NUP188: variants seen among roughly 807,000 people sequenced by gnomAD.
NUP188 encodes the protein nucleoporin NUP188.
In NUP188, 97 loss-of-function variants were observed where a neutral mutation model predicts 223.0. That is an observed-to-expected ratio of 0.43 (90% CI 0.37 to 0.51). NUP188 has a LOEUF of 0.51. NUP188 is among the 20% of genes least tolerant of loss of function. The pLI is 0.00. For missense variants in NUP188, 1,947 were observed against 2,175.6 expected, an observed-to-expected ratio of 0.89 and a Z score of 2.09; for synonymous variants, 869 against 828.0, an observed-to-expected ratio of 1.05 and a Z score of -0.85.
intron 3 of NUP188, among the ~76,000 whole-genome samples, chr9:128,954,673 C>T (rs1373269652): frequency 2.6e-5 from 4 of 151,876 alleles, no homozygotes; most frequent in Admixed American, 1.3e-4. Context: ...CGTGAGCCAC[C>T]GCGGCCGGTG....
chr9:129,005,495 T>C lies in NUP188; in HGVS notation c.4702T>C (p.Phe1568Leu). 6.2e-7 allele frequency: 1 copy of C among 1,606,232 alleles called. No homozygotes were observed. Among genetic ancestry groups the C allele is most frequent in the South Asian group, 1.1e-5 (1 of 91,082 alleles). ...LSKTLAALRH[F>L]TPDVCQILLD... ...CAAGACGCTGGCAGCCCTGCGCCAC[T>C]TCACCCCAGATGTCTGCCAGATTCT... The change falls in exon 40 of 44, where the codon TTC (phenylalanine) becomes CTC (leucine). Residue 1568 changes from phenylalanine to leucine, a missense_variant. Physicochemically the swap from Phe to Leu is conservative, Grantham distance 22 (BLOSUM62 0). Around this residue, in one of 3 missense-constraint regions of NUP188, gnomAD observed 905 missense variants for 990.6 expected, o/e 0.91. Transcript: ENST00000372577.
intron 20 of NUP188, chr9:128,985,276 G>A (rs1277264596): frequency 3.0e-6 from 1 of 332,458 alleles, no homozygotes; most frequent in East Asian, 5.4e-5. Flanking sequence ...GGCCAAAAGG[G>A]TATTGCAGTT....
chr9:128,973,916 A>G (rs1842136698), intron 12 of NUP188, among the ~76,000 whole-genome samples: 1 of 151,710 alleles, frequency 6.6e-6, no homozygotes, highest in African/African-American at 2.4e-5. Context: ...TTATTTATGC[A>G]TTTATTTTTT....
At position 128,999,161 on chromosome 9, in the gene NUP188, A is replaced by G; in HGVS notation, c.3516-11A>G. The stretch of plus-strand genomic sequence containing the variant: ...AGCCACCACGCCTGGCCCACCCAGT[A>G]TTCTTTCTAGAGAGTTAGGTTCTGT... On this transcript the variant is annotated splice_polypyrimidine_tract_variant and intron_variant, in intron 32 of 43. Transcript: ENST00000372577. The G allele has an allele frequency of 6.2e-7, 1 of 1,613,230 alleles. No individual in the cohort carries two copies. The highest frequency in any genetic ancestry group is 1.7e-4 in the Middle Eastern group (1 of 6,042).
At chr9:128,988,703 T>TTTTTTTAA in intron 24 of NUP188, among the ~76,000 whole-genome samples, 1 of 149,328 alleles carries the variant, frequency 6.7e-6, no homozygotes, top group Non-Finnish European at 1.5e-5. Context: ...CATTCCAGAT[T>TTTTTTTAA]TTTTTTAATT....
At position 128,999,185 on chromosome 9, in the gene NUP188, G is replaced by A; in HGVS notation, c.3529G>A (p.Val1177Met). 6.2e-7 allele frequency: 1 copy of A among 1,614,060 alleles called. No homozygotes were observed. Among genetic ancestry groups the A allele is most frequent in the Non-Finnish European group, 8.5e-7 (1 of 1,179,964 alleles). ...TATTCTTTCTAGAGAGTTAGGTTCTGTGGATGAAATCCTTGGACCCTTGAC... is the reference window on the plus strand; with the variant it reads ...TATTCTTTCTAGAGAGTTAGGTTCTATGGATGAAATCCTTGGACCCTTGAC... ...LRQWKRELGS[V>M]DEILGPLTEI... Residue 1177 changes from valine to methionine, a missense_variant, in exon 33 of 44, where the codon GTG becomes ATG. Val to Met is a conservative substitution (Grantham distance 21, BLOSUM62 1). This residue lies in a region of NUP188 where 905 missense variants were observed against 990.6 expected (regional missense o/e 0.91). Transcript: ENST00000372577.
At position 128,993,584 on chromosome 9, in the gene NUP188, A is replaced by G; in HGVS notation, c.2907A>G (p.Gln969=). The change falls in exon 27 of 44, where the codon CAA becomes CAG. Residue 969 remains glutamine (Q), a synonymous_variant. Coordinates refer to ENST00000372577, the MANE Select transcript of NUP188 (RefSeq NM_015354.3). The part of the protein sequence containing the change: ...LHAVLELIDS[Q]QQDRYWCPPL... Reference sequence around the variant, plus strand: ...CAGTGCTGGAGCTGATTGATTCCCAACAGCAAGATCGATACTGGTGCCCAC... The same window carrying G: ...CAGTGCTGGAGCTGATTGATTCCCAGCAGCAAGATCGATACTGGTGCCCAC... 1.2e-6 allele frequency: 2 copies of G among 1,614,144 alleles called. No homozygotes were observed. Among genetic ancestry groups the G allele is most frequent in the Non-Finnish European group, 1.7e-6 (2 of 1,180,004 alleles).
At chr9:128,977,422 T>TA (rs1250287433) in intron 12 of NUP188, among the ~76,000 whole-genome samples, 1 of 152,006 alleles carries the variant, frequency 6.6e-6, no homozygotes, top group Non-Finnish European at 1.5e-5. Flanking sequence ...CCCGACCAGG[T>TA]ACTTGGATTT....
chr9:129,002,818 C>T lies in NUP188; in HGVS notation c.4139C>T (p.Thr1380Ile), dbSNP rs140243176. 5.0e-6 allele frequency: 8 copies of T among 1,613,414 alleles called. No individual in the cohort carries two copies. The highest frequency in any genetic ancestry group is 6.8e-6 in the Non-Finnish European group (8 of 1,179,670). ...GCTTGTCTGCTGTTTGTATCTTAGA[C>T]ACCTAGTGCCTCTCGGAAGTCCCTG... ...YQLSTNGTAQ[T>I]PSASRKSLDA... The change falls in exon 37 of 44, where the codon ACA becomes ATA. Residue 1380 changes from threonine to isoleucine, a missense_variant and splice_region_variant. By Grantham distance (89) the Thr-to-Ile change is moderately conservative. This residue lies in a region of NUP188 where 905 missense variants were observed against 990.6 expected (regional missense o/e 0.91). Coordinates refer to ENST00000372577, the MANE Select transcript of NUP188 (RefSeq NM_015354.3).
intron 2 of NUP188, among the ~76,000 whole-genome samples, chr9:128,951,681 G>A (rs562521063): frequency 1.3e-5 from 2 of 151,812 alleles, no homozygotes; most frequent in African/African-American, 4.8e-5. Flanking sequence ...GTTAAGCAAA[G>A]AAAAGAAGGT....
At chr9:128,992,359 A>AT (rs1230997230) in intron 25 of NUP188, among the ~76,000 whole-genome samples, 1 of 151,696 alleles carries the variant, frequency 6.6e-6, no homozygotes, top group Non-Finnish European at 1.5e-5. Flanking sequence ...CACCCAGCTG[A>AT]TTTTTTTGTA....
intron 34 of NUP188, among the ~76,000 whole-genome samples, chr9:129,000,589 A>C (rs1299913202): frequency 6.6e-6 from 1 of 150,984 alleles, no homozygotes; most frequent in Non-Finnish European, 1.5e-5. Context: ...AAGTGCTGGG[A>C]TTACAGGCGT....
intron 13 of NUP188, among the ~76,000 whole-genome samples, chr9:128,979,911 C>T (rs1489161493): frequency 2.0e-5 from 3 of 152,154 alleles, no homozygotes; most frequent in South Asian, 2.1e-4. Flanking sequence ...GGGTTACAGG[C>T]GTGAGCCACT....
At chr9:128,967,759 C>G (rs1196466194) in intron 8 of NUP188, among the ~76,000 whole-genome samples, 1 of 151,468 alleles carries the variant, frequency 6.6e-6, no homozygotes, top group Non-Finnish European at 1.5e-5. Context: ...CATTGCACTC[C>G]AGCCTGGGGG....
chr9:128,971,618 C>T (rs1368295306), intron 11 of NUP188, among the ~76,000 whole-genome samples: 2 of 151,982 alleles, frequency 1.3e-5, no homozygotes, highest in Non-Finnish European at 2.9e-5. Context: ...CGGGGTTTTA[C>T]CATCTTGGCC....
chr9:128,990,821 C>T lies in NUP188; in HGVS notation c.2640+595C>T, dbSNP rs138697224. Among the ~76,000 whole-genome samples the T allele has an allele frequency of 2.5e-3, 374 of 152,246 alleles. 7 individuals are homozygous for T. The East Asian group carries it at 0.042, about 17-fold the overall frequency. On this transcript the variant is annotated intron_variant, in intron 25 of 43. Transcript: ENST00000372577. ...CGGAACTTGCAGTGAGCTGAGATCGCGCCACTGCACTCCAGCCTGGGTGAC... is the reference window on the plus strand; with the variant it reads ...CGGAACTTGCAGTGAGCTGAGATCGTGCCACTGCACTCCAGCCTGGGTGAC...
At chr9:128,988,503 C>T (rs148660829) in intron 24 of NUP188, among the ~76,000 whole-genome samples, 1 of 152,138 alleles carries the variant, frequency 6.6e-6, no homozygotes, top group Admixed American at 6.6e-5. Flanking sequence ...CCTCTGATTT[C>T]TCATCTGTAA....
chr9:128,982,445 G>A (rs1309689364), intron 15 of NUP188, 104 bp from the exon 16 acceptor site: 2 of 1,081,606 alleles, frequency 1.8e-6, no homozygotes, highest in African/African-American at 1.6e-5. Context: ...AAAAATGTCT[G>A]TGAGTTTGTG....
In NUP188 at chr9:129,006,768, A is replaced by T; in HGVS notation, c.*90A>T. 7.4e-7 allele frequency: 1 copy of T among 1,350,296 alleles called. No homozygotes were observed. The highest frequency in any genetic ancestry group is 9.9e-7 in the Non-Finnish European group (1 of 1,005,490). The allele number at this position is 1,350,296 out of a possible 1,614,324, so 83.6% of individuals were successfully genotyped here. A position where few individuals can be genotyped will look rare whatever the true frequency, so the allele number is the denominator to read the frequency against. On this transcript the variant is annotated 3_prime_UTR_variant, in exon 44 of 44. Transcript: ENST00000372577. The stretch of plus-strand genomic sequence containing the variant: ...TGCTGCTGGCTGCTAGGGCCTATAC[A>T]ATGGAGGGCACCTCCTGTCACCCCC...
Sources: allele counts gnomAD v4.1 joint callset (sites outside exome capture counted in the v4.1 genomes callset), GRCh38; gene constraint gnomAD v4.1.1; regional missense constraint gnomAD v4.1.1; transcripts MANE v1.5; gene names NCBI Gene and HGNC (gene_info 2026-07-23, HGNC 2026-07-21).